The following KAZN variants were observed in gnomAD, a reference collection of about 807,000 sequenced individuals.
KAZN encodes the protein kazrin, periplakin interacting protein.
Under a neutral mutation model 87.4 loss-of-function variants are expected in KAZN, and 40 were observed. The observed-to-expected ratio is 0.46, with a 90% confidence interval of 0.36 to 0.60. The LOEUF (loss-of-function observed/expected upper bound fraction) is 0.60. Ranked by LOEUF, KAZN falls within the 20% of genes least tolerant of loss-of-function variation. The probability of loss-of-function intolerance (pLI) is 0.00; values close to 1 mark genes in which losing one functional copy is unlikely to be tolerated. For synonymous variants in KAZN, 466 were observed against 458.3 expected (o/e 1.02, Z -0.22); for missense variants, 898 against 1,073.9 (o/e 0.84, Z 2.29).
intron 1 of KAZN, among the ~76,000 whole-genome samples, chr1:14,845,715 G>T (rs954345772): frequency 1.3e-5 from 2 of 152,272 alleles, no homozygotes; most frequent in African/African-American, 4.8e-5. Context: ...TCTTCAAGAG[G>T]TATGTGTTGG....
intron 1 of KAZN, among the ~76,000 whole-genome samples, chr1:14,754,867 C>T (rs959779355): frequency 6.6e-6 from 1 of 152,066 alleles, no homozygotes; most frequent in Non-Finnish European, 1.5e-5. Flanking sequence ...GTGACTTAAC[C>T]TTGCTGAACC....
rs188982321 is a variant in KAZN, at chr1:14,208,826, G to A, written c.249+28234G>A. On this transcript the variant is annotated intron_variant, in intron 2 of 16. Transcript: ENST00000636203. ...TTATAACTTGAGGGGTTGAGTCACG[G>A]CCTATGGTCTTACCTCTCCAAGAGT... 2.6e-5 allele frequency among the ~76,000 whole-genome samples: 4 copies of A among 152,294 alleles called. No individual in the cohort carries two copies. The East Asian group carries it at 7.7e-4, about 29-fold the overall frequency.
At chr1:14,404,820 T>G (rs1663698234) in intron 2 of KAZN, among the ~76,000 whole-genome samples, 1 of 152,196 alleles carries the variant, frequency 6.6e-6, no homozygotes, top group Non-Finnish European at 1.5e-5. Flanking sequence ...ATGTATGTAT[T>G]GTAAAAGAGT....
At chr1:14,056,066 T>G (rs1429434345) in intron 1 of KAZN, among the ~76,000 whole-genome samples, 2 of 152,178 alleles carry the variant, frequency 1.3e-5, no homozygotes, top group African/African-American at 4.8e-5. Flanking sequence ...CTCCCTGGCT[T>G]CAAGATCCAG....
intron 2 of KAZN, among the ~76,000 whole-genome samples, chr1:14,975,279 C>G (rs1187278348): frequency 2.0e-5 from 3 of 152,220 alleles, no homozygotes; most frequent in Middle Eastern, 3.2e-3. Context: ...GTGGCTTGAG[C>G]TCCCGCCCAA....
At chr1:14,437,391 G>C (rs1003598963) in intron 2 of KAZN, among the ~76,000 whole-genome samples, 2 of 152,140 alleles carry the variant, frequency 1.3e-5, no homozygotes, top group Non-Finnish European at 2.9e-5. Flanking sequence ...TCAAGTCCTC[G>C]CTGAGGCTGG....
At chr1:15,083,534 A>T (rs1383857124) in intron 8 of KAZN, among the ~76,000 whole-genome samples, 1 of 152,212 alleles carries the variant, frequency 6.6e-6, no homozygotes, top group Non-Finnish European at 1.5e-5. Flanking sequence ...ATATGCAGGC[A>T]CTGTACGGTT....
At chr1:14,718,250 A>G (rs1642911703) in intron 1 of KAZN, among the ~76,000 whole-genome samples, 2 of 152,158 alleles carry the variant, frequency 1.3e-5, no homozygotes, top group Non-Finnish European at 2.9e-5. Flanking sequence ...TTAAGTGCCC[A>G]TCTCCCTGGT....
intron 13 of KAZN, among the ~76,000 whole-genome samples, chr1:15,108,906 C>CT (rs1641391430): frequency 6.6e-6 from 1 of 152,216 alleles, no homozygotes. Flanking sequence ...GACCTTGGCC[C>CT]TGTGCTTGGC....
At chr1:14,847,659 A>C (rs1267787760) in intron 1 of KAZN, among the ~76,000 whole-genome samples, 1 of 152,172 alleles carries the variant, frequency 6.6e-6, no homozygotes, top group Non-Finnish European at 1.5e-5. Context: ...TATCTGTTCC[A>C]TTCAGTGCAG....
At chr1:14,800,624 A>T (rs1645979583) in intron 1 of KAZN, among the ~76,000 whole-genome samples, 2 of 152,172 alleles carry the variant, frequency 1.3e-5, no homozygotes, top group Admixed American at 6.5e-5. Flanking sequence ...GGATCGCTTG[A>T]GCCTGGGAGA....
At chr1:14,280,651 T>C (rs1440748290) in intron 2 of KAZN, among the ~76,000 whole-genome samples, 3 of 152,182 alleles carry the variant, frequency 2.0e-5, no homozygotes, top group Non-Finnish European at 2.9e-5. Context: ...CTTGGACTTC[T>C]AGCCTCCAGA....
intron 2 of KAZN, among the ~76,000 whole-genome samples, chr1:14,205,903 A>AAAAAAAAAAAAAAAAAAT (rs1646732540): frequency 1.8e-5 from 1 of 55,002 alleles, no homozygotes; most frequent in Non-Finnish European, 3.2e-5. Context: ...AAAAAAAAAA[A>AAAAAAAAAAAAAAAAAAT]AAAGCTACCT....
intron 2 of KAZN, among the ~76,000 whole-genome samples, chr1:14,557,672 T>TGTGTGGTGTGTGA: frequency 7.3e-6 from 1 of 136,876 alleles, no homozygotes; most frequent in East Asian, 2.2e-4. Flanking sequence ...GTGTGGTGTG[T>TGTGTGGTGTGTGA]GAGAGAGAGA....
intron 2 of KAZN, among the ~76,000 whole-genome samples, chr1:14,346,351 A>T (rs773683689): frequency 3.3e-5 from 5 of 152,316 alleles, no homozygotes; most frequent in Admixed American, 1.3e-4. Context: ...TAAAAGGATG[A>T]GGATGATGAC....
chr1:15,107,983 G>C (rs1347487073), intron 13 of KAZN, among the ~76,000 whole-genome samples: 2 of 152,140 alleles, frequency 1.3e-5, no homozygotes, highest in Admixed American at 6.5e-5. Flanking sequence ...TTCATCTGGA[G>C]GCAGAAGAAT....
rs55958421 is a variant in KAZN, at chr1:14,035,456, T to C, written c.91+141700T>C. 4.5e-3 allele frequency among the ~76,000 whole-genome samples: 687 copies of C among 151,924 alleles called. 3 individuals are homozygous for C. The highest frequency in any genetic ancestry group is 8.0e-3 in the Non-Finnish European group (543 of 67,954). On this transcript the variant is annotated intron_variant, in intron 1 of 16. Transcript: ENST00000636203. ...GTGTGAGAAGTTTCTTTTGCCTTTT[T>C]TTCTTCTTTTTTTTTTTTTCTGAGA...
In KAZN at chr1:14,789,760, CAAAAAAAAAAAAAAAAAAAAAA is replaced by C. The variant is rs3032757; in HGVS notation, c.227-170908_227-170887del. Among the ~76,000 whole-genome samples the C allele has an allele frequency of 1.7e-4, 8 of 46,252 alleles. No individual in the cohort carries two copies. In the East Asian group the frequency reaches 4.6e-3, roughly 26 times the overall value. The allele number at this position is 46,252 out of a possible 152,430, so 30.3% of individuals were successfully genotyped here. A position where few individuals can be genotyped will look rare whatever the true frequency, so the allele number is the denominator to read the frequency against. ...GCAAGGACTCTAAGCTCCTCATTACCAAAAAAAAAAAAAAAAAAAAAAAAAAAAAAAAAAAAATCCCTAGAGC... is the reference window on the plus strand; with the variant it reads ...GCAAGGACTCTAAGCTCCTCATTACCAAAAAAAAAAAAAAATCCCTAGAGC... On this transcript the variant is annotated intron_variant, in intron 1 of 14. Transcript: ENST00000376030.
chr1:14,957,496 C>G (rs1040938892), intron 1 of KAZN, among the ~76,000 whole-genome samples: 2 of 152,226 alleles, frequency 1.3e-5, no homozygotes, highest in African/African-American at 4.8e-5. Context: ...CGATTGGGCC[C>G]CGCTCTCGGA....
Sources: allele counts gnomAD v4.1 joint callset (sites outside exome capture counted in the v4.1 genomes callset), GRCh38; gene constraint gnomAD v4.1.1; transcripts MANE v1.5; gene names NCBI Gene and HGNC (gene_info 2026-07-23, HGNC 2026-07-21).